PRELID2: variants seen among roughly 807,000 people sequenced by gnomAD.
The protein encoded by PRELID2 is PRELI domain containing 2.
A neutral mutation model predicts 28.4 loss-of-function variants in PRELID2; 25 were observed. The ratio of observed to expected loss-of-function variants is 0.88; its 90% confidence interval spans 0.64 to 1.23. The LOEUF (loss-of-function observed/expected upper bound fraction) is 1.23, where lower values mean the gene tolerates loss of function less well. PRELID2 is among the 50% of genes most tolerant of loss of function. The pLI, the probability that PRELID2 is intolerant of heterozygous loss-of-function variation, is 0.00. For synonymous variants in PRELID2, 76 were observed against 71.6 expected (o/e 1.06, Z -0.31); for missense variants, 201 against 214.4 (o/e 0.94, Z 0.39).
intron 5 of PRELID2, among the ~76,000 whole-genome samples, chr5:145,779,233 A>C (rs1758611220): frequency 6.6e-6 from 1 of 152,196 alleles, no homozygotes; most frequent in Admixed American, 6.5e-5. Flanking sequence ...GGTAAGCCTT[A>C]AACAGAAGCC....
chr5:145,634,618 T>C (rs1326095549), intron 1 of PRELID2, among the ~76,000 whole-genome samples: 4 of 152,160 alleles, frequency 2.6e-5, no homozygotes, highest in Non-Finnish European at 5.9e-5. Flanking sequence ...ACCCCAGTGA[T>C]GGGCTAGGAC....
intron 4 of PRELID2, among the ~76,000 whole-genome samples, chr5:145,809,036 C>CTTTTTTTTTTTTTTTTT: frequency 9.4e-6 from 1 of 105,832 alleles, no homozygotes; most frequent in Non-Finnish European, 2.0e-5. Flanking sequence ...TTTTTTTTTG[C>CTTTTTTTTTTTTTTTTT]TTTTTTTTTT....
At chr5:145,486,517 C>T (rs184806241) in intron 1 of PRELID2, among the ~76,000 whole-genome samples, 343 of 152,290 alleles carry the variant, frequency 2.3e-3, no homozygotes, top group Admixed American at 3.7e-3. Context: ...GGCCACCACA[C>T]CCCACAACCT....
At chr5:145,403,411 A>C in the PRELID2 span, among the ~76,000 whole-genome samples, 1 of 152,170 alleles carries the variant, frequency 6.6e-6, no homozygotes, top group African/African-American at 2.4e-5. Flanking sequence ...AAAAAATTGT[A>C]AAAGAAGACG....
chr5:145,340,673 A>C, the PRELID2 span, among the ~76,000 whole-genome samples: 1 of 151,712 alleles, frequency 6.6e-6, no homozygotes, highest in African/African-American at 2.4e-5. Context: ...AGGCACAGGT[A>C]GGAGGATCAC....
the PRELID2 span, among the ~76,000 whole-genome samples, chr5:145,384,454 C>T: frequency 6.6e-6 from 1 of 151,872 alleles, no homozygotes; most frequent in African/African-American, 2.4e-5. Flanking sequence ...ATACATGCAA[C>T]AATATATATG....
the PRELID2 span, among the ~76,000 whole-genome samples, chr5:145,382,165 G>C: frequency 6.6e-6 from 1 of 151,778 alleles, no homozygotes; most frequent in Non-Finnish European, 1.5e-5. Flanking sequence ...ACACAGCACA[G>C]AAAGAATTAG....
intron 1 of PRELID2, among the ~76,000 whole-genome samples, chr5:145,676,220 CAAAAA>C (rs34833967): frequency 1.9e-5 from 1 of 53,602 alleles, no homozygotes; most frequent in African/African-American, 6.0e-5. Context: ...AACTCCATCT[CAAAAA>C]AAAAAAAAAA....
chr5:145,711,755 G>C (rs1045761504), intron 1 of PRELID2, among the ~76,000 whole-genome samples: 9 of 152,132 alleles, frequency 5.9e-5, no homozygotes, highest in South Asian at 4.1e-4. Flanking sequence ...GCGGGGGCAA[G>C]AGGACTGAGA....
the PRELID2 span, among the ~76,000 whole-genome samples, chr5:145,314,005 C>A: frequency 1.3e-5 from 2 of 152,270 alleles, no homozygotes; most frequent in African/African-American, 2.4e-5. Context: ...AATTTTAATA[C>A]CCTAGCCATA....
the PRELID2 span, among the ~76,000 whole-genome samples, chr5:145,264,333 T>A: frequency 5.9e-5 from 9 of 152,106 alleles, no homozygotes; most frequent in Admixed American, 3.9e-4. Flanking sequence ...TAGGGATGGT[T>A]TAATATACAC....
In PRELID2 at chr5:145,718,405, A is replaced by G. The variant is rs188310378; in HGVS notation, n.70+46526T>C. Reference sequence around the variant, plus strand: ...AAACAATCCTAAAATCTAATAAAGAATGTAAAAGATGATTAGAATAAATGG... The same window carrying G: ...AAACAATCCTAAAATCTAATAAAGAGTGTAAAAGATGATTAGAATAAATGG... On this transcript the variant is annotated intron_variant and non_coding_transcript_variant, in intron 1 of 2. Transcript: ENST00000510259. Among the ~76,000 whole-genome samples, 516 of 152,112 alleles carry G rather than the reference A, an allele frequency of 3.4e-3. 2 individuals carry two copies. The highest frequency in any genetic ancestry group is 6.1e-3 in the Non-Finnish European group (414 of 67,900).
the PRELID2 span, chr5:145,229,753 T>C: frequency 4.0e-6 from 3 of 754,136 alleles, no homozygotes; most frequent in South Asian, 1.3e-5. Flanking sequence ...AATCAAGGCC[T>C]GGGCTTGAAA....
At chr5:145,609,486 C>T (rs1418088913) in intron 1 of PRELID2, among the ~76,000 whole-genome samples, 2 of 152,224 alleles carry the variant, frequency 1.3e-5, no homozygotes, top group Non-Finnish European at 2.9e-5. Flanking sequence ...TAAGCAGGGG[C>T]AGCAGTTGGC....
chr5:145,783,465 G>A (rs1751767372), intron 5 of PRELID2, among the ~76,000 whole-genome samples: 1 of 152,336 alleles, frequency 6.6e-6, no homozygotes, highest in African/African-American at 2.4e-5. Context: ...AAGGAGATGT[G>A]TAAGAATACA....
At position 145,759,035 on chromosome 5, in the gene PRELID2, C is replaced by T. The variant is rs1319150448; in HGVS notation, c.*1501G>A. The T allele has an allele frequency of 9.0e-6, 1 of 110,618 alleles. No homozygotes were observed. Among genetic ancestry groups the T allele is most frequent in the African/African-American group, 3.5e-5 (1 of 28,536 alleles). The allele number at this position is 110,618 out of a possible 1,614,324, so 6.9% of individuals were successfully genotyped here. ...TTTTTTTTTGTGATGGAGTCTTGCTCTGTCACCCAGGCTGGGGTGCAGTGG... is the reference window on the plus strand; with the variant it reads ...TTTTTTTTTGTGATGGAGTCTTGCTTTGTCACCCAGGCTGGGGTGCAGTGG... On this transcript the variant is annotated 3_prime_UTR_variant, in exon 7 of 7. Coordinates refer to ENST00000683046, the MANE Select transcript of PRELID2 (RefSeq NM_205846.3).
the PRELID2 span, among the ~76,000 whole-genome samples, chr5:145,459,237 G>T: frequency 6.6e-6 from 1 of 152,106 alleles, no homozygotes; most frequent in Non-Finnish European, 1.5e-5. Context: ...TTGTGTCCTG[G>T]AGTCACTACA....
chr5:145,384,039 G>A, the PRELID2 span, among the ~76,000 whole-genome samples: 1 of 152,014 alleles, frequency 6.6e-6, no homozygotes, highest in Non-Finnish European at 1.5e-5. Context: ...TATACTAACG[G>A]CCAGTATGCA....
chr5:145,636,733 T>C (rs908771561), intron 1 of PRELID2, among the ~76,000 whole-genome samples: 3 of 152,190 alleles, frequency 2.0e-5, no homozygotes, highest in African/African-American at 7.2e-5. Flanking sequence ...TTTCACCACT[T>C]AAACAACAGA....
Sources: allele counts gnomAD v4.1 joint callset (sites outside exome capture counted in the v4.1 genomes callset), GRCh38; gene constraint gnomAD v4.1.1; transcripts MANE v1.5; gene names NCBI Gene and HGNC (gene_info 2026-07-23, HGNC 2026-07-21).